The following PDGFA variants were observed in gnomAD, a reference collection of about 807,000 sequenced individuals.
The protein encoded by PDGFA is platelet-derived growth factor subunit A.
In PDGFA, 9 loss-of-function variants were observed where a neutral mutation model predicts 25.6. The ratio of observed to expected loss-of-function variants is 0.35; its 90% CI spans 0.21 to 0.61. The LOEUF (loss-of-function observed/expected upper bound fraction) is 0.61. Among genes scored for constraint, PDGFA ranks in the 20% least tolerant of loss-of-function variants. The pLI is 0.75. For synonymous variants in PDGFA, 133 were observed against 111.8 expected (o/e 1.19, Z -1.20); for missense variants, 242 against 272.8 (o/e 0.89, Z 0.79).
chr7:509,866 C>G (rs993795196), intron 4 of PDGFA, among the ~76,000 whole-genome samples: 1 of 152,166 alleles, frequency 6.6e-6, no homozygotes, highest in African/African-American at 2.4e-5. Flanking sequence ...GCACCACCCC[C>G]AACTTAAAGA....
rs552241273 is a variant in PDGFA, at chr7:512,145, G to A, written c.265+206C>T. On this transcript the variant is annotated intron_variant, in intron 3 of 5. Transcript: ENST00000402802. ...GCGGGCTGGGGCAGGAGACACCCTC[G>A]AAGGAGGGAGGCCTCGGGAGAGGCC... Among the ~76,000 whole-genome samples the A allele has an allele frequency of 9.2e-5, 14 of 152,306 alleles. No homozygotes were observed. In the South Asian group the frequency reaches 2.3e-3, roughly 25 times the overall value.
At chr7:518,214 C>T (rs1203419828) in intron 1 of PDGFA, among the ~76,000 whole-genome samples, 1 of 152,172 alleles carries the variant, frequency 6.6e-6, no homozygotes, top group Non-Finnish European at 1.5e-5. Context: ...TCTGGCCTCC[C>T]CCACTCCCCT....
At chr7:518,218 C>G (rs1298977163) in intron 1 of PDGFA, among the ~76,000 whole-genome samples, 4 of 152,194 alleles carry the variant, frequency 2.6e-5, no homozygotes, top group Non-Finnish European at 5.9e-5. Flanking sequence ...GCCTCCCCCA[C>G]TCCCCTCCCC....
Position 508,561 on chromosome 7 carries a change from A to AT in PDGFA, c.453+2247_453+2248insA, listed in dbSNP as rs1207954464. 6.1e-5 allele frequency among the ~76,000 whole-genome samples: 8 copies of AT among 131,006 alleles called. No homozygotes were observed. The East Asian group carries it at 8.6e-4, about 14-fold the overall frequency. The allele number at this position is 131,006 out of a possible 152,430, so 85.9% of individuals were successfully genotyped here. On this transcript the variant is annotated intron_variant, in intron 4 of 5. Transcript: ENST00000402802. ...GGCAACAGAGCAAGAAGCTGTCCCAAAAAAAAAAAAAAAAAAAAAAAAAAA... is the reference window on the plus strand; with the variant it reads ...GGCAACAGAGCAAGAAGCTGTCCCAATAAAAAAAAAAAAAAAAAAAAAAAAA...
chr7:518,417 A>T (rs13307897), intron 1 of PDGFA: 1 of 152,862 alleles, frequency 6.5e-6, no homozygotes, highest in Non-Finnish European at 1.5e-5. Flanking sequence ...TCGCTCAGCC[A>T]CCTGTAAGCA....
At chr7:497,640 G>A (rs573746431) in exon 6 of PDGFA, 8 of 152,274 alleles carry the variant, frequency 5.3e-5, no homozygotes, top group Non-Finnish European at 7.4e-5. Flanking sequence ...GACGGCGTAC[G>A]ATTGGTTGAC....
At chr7:516,204 AC>A (rs1408532693) in intron 2 of PDGFA, among the ~76,000 whole-genome samples, 2 of 111,752 alleles carry the variant, frequency 1.8e-5, no homozygotes, top group Admixed American at 2.0e-4. Flanking sequence ...ACTCTACCGC[AC>A]CCCCCACCCT....
chr7:510,749 G>A, intron 4 of PDGFA, 60 bp downstream of exon 4: 1 of 460,510 alleles, frequency 2.2e-6, no homozygotes, highest in South Asian at 2.2e-5. Flanking sequence ...GAGAGGAGAG[G>A]AGGGGAGGGG....
exon 6 of PDGFA, chr7:498,203 C>T (rs556505872): frequency 1.2e-5 from 3 of 256,948 alleles, no homozygotes; most frequent in Admixed American, 1.0e-4. Context: ...GACAGAAATC[C>T]AGTCTGCTGA....
intron 2 of PDGFA, among the ~76,000 whole-genome samples, chr7:516,660 C>G (rs1166261519): frequency 6.6e-6 from 1 of 152,174 alleles, no homozygotes; most frequent in Admixed American, 6.5e-5. Context: ...TCGCCCCTCC[C>G]ACCCACCCGT....
chr7:516,155 G>C (rs1469299655), intron 2 of PDGFA, among the ~76,000 whole-genome samples: 4 of 144,970 alleles, frequency 2.8e-5, no homozygotes, highest in African/African-American at 1.0e-4. Flanking sequence ...TGAGGGATCC[G>C]GTCAAAATCC....
chr7:497,565 G>C (rs918839638), exon 6 of PDGFA: 2 of 152,212 alleles, frequency 1.3e-5, no homozygotes, highest in Admixed American at 6.5e-5. Flanking sequence ...CAGCATTCTA[G>C]GTGTGCACTG....
At chr7:515,706 C>T (rs1334811037) in intron 2 of PDGFA, among the ~76,000 whole-genome samples, 1 of 152,150 alleles carries the variant, frequency 6.6e-6, no homozygotes, top group Non-Finnish European at 1.5e-5. Context: ...GAGAGAGCTC[C>T]TGGGACATGA....
rs750240781 is a variant in PDGFA at position 512,429 on chromosome 7, G to T, written c.187C>A (p.Leu63Met). Residue 63 changes from leucine to methionine, a missense_variant, in exon 3 of 6, where the codon CTG becomes ATG. Physicochemically the swap from Leu to Met is conservative, Grantham distance 15 (BLOSUM62 2). Coordinates refer to ENST00000402802, the Ensembl canonical transcript of PDGFA. ...GTGGCATGGACCCCGTGAGCTCTCA[G>T]GCTGGTGTCCAAAGAATCCTCACTC... 4 of 1,613,760 alleles carry T rather than the reference G, an allele frequency of 2.5e-6. No individual in the cohort carries two copies. The highest frequency in any genetic ancestry group is 3.4e-6 in the Non-Finnish European group (4 of 1,179,990).
Position 501,256 on chromosome 7 carries a change from C to A in PDGFA, c.454-14G>T. The A allele has an allele frequency of 1.2e-6, 2 of 1,613,782 alleles. No homozygotes were observed. The highest frequency in any genetic ancestry group is 1.7e-6 in the Non-Finnish European group (2 of 1,179,966). ...CACCTTGGCCACCTGCCAGAGAGAA[C>A]AGAGCCCGGCCATGAATGCCTGCAT... On this transcript the variant is annotated splice_polypyrimidine_tract_variant and intron_variant, in intron 4 of 5. Transcript: ENST00000402802.
At chr7:512,535 G>C (rs1459933340) in intron 2 of PDGFA, 80 bp from the exon 3 acceptor site, 3 of 1,601,666 alleles carry the variant, frequency 1.9e-6, no homozygotes, top group South Asian at 2.2e-5. Flanking sequence ...ACTTCCCACA[G>C]ACCAGCTTTG....
intron 3 of PDGFA, among the ~76,000 whole-genome samples, chr7:511,427 G>A (rs1053961232): frequency 1.3e-5 from 2 of 151,648 alleles, no homozygotes; most frequent in African/African-American, 4.8e-5. Context: ...AGTGGCTGGG[G>A]GAGGAGGGGG....
intron 4 of PDGFA, among the ~76,000 whole-genome samples, chr7:507,226 C>A (rs1782600181): frequency 6.6e-6 from 1 of 152,250 alleles, no homozygotes; most frequent in African/African-American, 2.4e-5. Flanking sequence ...GGAGAAGACG[C>A]CTCCCAGAAG....
intron 1 of PDGFA, 33 bp downstream of exon 1, chr7:518,906 G>T: frequency 1.4e-6 from 2 of 1,460,212 alleles, no homozygotes; most frequent in Non-Finnish European, 1.8e-6. Context: ...CGGAGGAGCC[G>T]GCGCAGGGAC....
Sources: allele counts gnomAD v4.1 joint callset (sites outside exome capture counted in the v4.1 genomes callset), GRCh38; gene constraint gnomAD v4.1.1; transcripts MANE v1.5; gene names NCBI Gene and HGNC (gene_info 2026-07-23, HGNC 2026-07-21).